Variants in EPHA6 observed in about 807,000 individuals in gnomAD.
The protein encoded by EPHA6 is ephrin type-A receptor 6.
EPHA6 carries 50 observed loss-of-function variants against 112.0 expected under a neutral mutation model. That is an observed-to-expected ratio of 0.45 (90% confidence interval 0.36 to 0.56). The LOEUF (loss-of-function observed/expected upper bound fraction) is 0.56, where lower values mean the gene tolerates loss of function less well. Ranked by LOEUF, EPHA6 falls within the 20% of genes least tolerant of loss-of-function variation. The probability of loss-of-function intolerance (pLI) is 0.00; values close to 1 mark genes in which losing one functional copy is unlikely to be tolerated. For synonymous variants in EPHA6, 529 were observed against 490.7 expected (o/e 1.08, Z -1.03); for missense variants, 1,280 against 1,417.4 (o/e 0.90, Z 1.56).
chr3:97,013,907 C>G (rs1489368426), intron 3 of EPHA6, among the ~76,000 whole-genome samples: 1 of 152,072 alleles, frequency 6.6e-6, no homozygotes. Flanking sequence ...ATGCCTCCTG[C>G]AAACTTATCA....
chr3:97,524,042 A>C (rs2092583643), intron 10 of EPHA6, among the ~76,000 whole-genome samples: 1 of 152,012 alleles, frequency 6.6e-6, no homozygotes, highest in Admixed American at 6.6e-5. Flanking sequence ...TTTTTAATCT[A>C]TTTAGACATT....
intron 3 of EPHA6, among the ~76,000 whole-genome samples, chr3:96,994,866 C>CTA (rs147597524): frequency 0.023 from 3,448 of 146,890 alleles, 83 homozygotes; most frequent in African/African-American, 0.059. Flanking sequence ...GGTATTATTG[C>CTA]TATATATATA....
intron 14 of EPHA6, among the ~76,000 whole-genome samples, chr3:97,647,738 C>A (rs1447734000): frequency 6.6e-6 from 1 of 152,144 alleles, no homozygotes; most frequent in Non-Finnish European, 1.5e-5. Context: ...TAAGAAATCA[C>A]TGCCTTTTCT....
At chr3:96,924,037 G>T in intron 2 of EPHA6, among the ~76,000 whole-genome samples, 1 of 152,062 alleles carries the variant, frequency 6.6e-6, no homozygotes, top group East Asian at 1.9e-4. Flanking sequence ...TGCTGTTTTT[G>T]TTACTCTAGC....
At chr3:97,145,595 ACTT>A (rs1018668888) in intron 3 of EPHA6, among the ~76,000 whole-genome samples, 3 of 151,312 alleles carry the variant, frequency 2.0e-5, no homozygotes, top group African/African-American at 4.8e-5. Context: ...TTATTTTACT[ACTT>A]CTTATTTTTA....
At position 97,425,187 on chromosome 3, in the gene EPHA6, C is replaced by A. The variant is rs187698478; in HGVS notation, c.1731+19913C>A. 1.1e-3 allele frequency among the ~76,000 whole-genome samples: 159 copies of A among 150,812 alleles called. 1 individual carries two copies. The highest frequency in any genetic ancestry group is 9.8e-3 in the South Asian group (47 of 4,820). On this transcript the variant is annotated intron_variant, in intron 6 of 17. Transcript: ENST00000389672. The stretch of plus-strand genomic sequence containing the variant: ...GCCGTTCGGGTCTGGAGGACAGCGG[C>A]CCTCTTCTCACAGCTCCACTAGGCA...
intron 3 of EPHA6, among the ~76,000 whole-genome samples, chr3:97,005,813 G>T (rs1264653380): frequency 6.6e-6 from 1 of 152,156 alleles, no homozygotes; most frequent in East Asian, 1.9e-4. Flanking sequence ...TTTATTAAGA[G>T]TTTTTAACAT....
At chr3:97,674,879 C>G (rs182875767) in intron 14 of EPHA6, among the ~76,000 whole-genome samples, 1 of 152,080 alleles carries the variant, frequency 6.6e-6, no homozygotes, top group African/African-American at 2.4e-5. Flanking sequence ...CTTACTTCAT[C>G]GGGAATTCTC....
intron 11 of EPHA6, among the ~76,000 whole-genome samples, chr3:97,559,124 C>G (rs1157166633): frequency 6.6e-6 from 1 of 151,934 alleles, no homozygotes; most frequent in East Asian, 1.9e-4. Context: ...ATAATGATGA[C>G]AAAAGGAACT....
At chr3:96,839,379 T>A (rs2034602399) in intron 1 of EPHA6, among the ~76,000 whole-genome samples, 1 of 152,032 alleles carries the variant, frequency 6.6e-6, no homozygotes. Flanking sequence ...AACTAATGCC[T>A]GATGATCTGA....
In EPHA6 at chr3:97,324,473, T is replaced by TTTCTTTCTTTC. The variant is rs1559884080; in HGVS notation, c.1606+80187_1606+80188insTCTTTCTTTCT. Reference sequence around the variant, plus strand: ...TCTTTCTTTCTTTCTTTCTTTCTTTTTCTTTCGTCTCTTTCTCTTTCTTTC... The same window carrying TTTCTTTCTTTC: ...TCTTTCTTTCTTTCTTTCTTTCTTTTTTCTTTCTTTCTCTTTCGTCTCTTTCTCTTTCTTTC... On this transcript the variant is annotated intron_variant, in intron 5 of 17. Coordinates refer to ENST00000389672, the MANE Select transcript of EPHA6 (RefSeq NM_001080448.3). Among the ~76,000 whole-genome samples, 15 of 71,252 alleles carry TTTCTTTCTTTC rather than the reference T, an allele frequency of 2.1e-4. 1 individual carries two copies. The highest frequency in any genetic ancestry group is 6.5e-4 in the African/African-American group (14 of 21,662). The allele number at this position is 71,252 out of a possible 152,430, so 46.7% of individuals were successfully genotyped here.
intron 9 of EPHA6, among the ~76,000 whole-genome samples, chr3:97,480,772 G>A (rs1435497948): frequency 3.3e-5 from 5 of 152,246 alleles, no homozygotes; most frequent in Non-Finnish European, 7.4e-5. Context: ...GGTGGCGGCC[G>A]GGCAGAGGGG....
chr3:96,816,157 G>A (rs180889827), intron 1 of EPHA6, among the ~76,000 whole-genome samples: 149 of 152,102 alleles, frequency 9.8e-4, no homozygotes, highest in Middle Eastern at 6.8e-3. Context: ...AACATATATG[G>A]CCATTTTACT....
chr3:96,905,781 A>G (rs1213760176), intron 2 of EPHA6, among the ~76,000 whole-genome samples: 1 of 152,046 alleles, frequency 6.6e-6, no homozygotes, highest in Admixed American at 6.6e-5. Context: ...CGGTGTTAAT[A>G]TACCGTTTGT....
chr3:97,290,543 T>C (rs1051776342), intron 5 of EPHA6, among the ~76,000 whole-genome samples: 1 of 152,182 alleles, frequency 6.6e-6, no homozygotes, highest in African/African-American at 2.4e-5. Context: ...GAAACCCATG[T>C]GGGGAGACTT....
At chr3:97,324,417 C>CTTTCTT (rs1553746264) in intron 5 of EPHA6, among the ~76,000 whole-genome samples, 9 of 126,898 alleles carry the variant, frequency 7.1e-5, no homozygotes, top group African/African-American at 2.1e-4. Flanking sequence ...TTCTTTCTTT[C>CTTTCTT]TTTCTTTCTT....
At chr3:97,252,458 C>T (rs1176792293) in intron 5 of EPHA6, among the ~76,000 whole-genome samples, 3 of 152,114 alleles carry the variant, frequency 2.0e-5, no homozygotes, top group Non-Finnish European at 2.9e-5. Flanking sequence ...CACACCCACA[C>T]GATGCTCCAG....
intron 1 of EPHA6, among the ~76,000 whole-genome samples, chr3:96,856,982 C>G (rs1231987458): frequency 6.6e-6 from 1 of 152,076 alleles, no homozygotes; most frequent in Non-Finnish European, 1.5e-5. Context: ...GTCACAAAAG[C>G]TAAGGATTGA....
At chr3:97,516,601 G>T (rs966223078) in intron 10 of EPHA6, among the ~76,000 whole-genome samples, 2 of 152,150 alleles carry the variant, frequency 1.3e-5, no homozygotes, top group African/African-American at 2.4e-5. Flanking sequence ...TTTACTTTAA[G>T]ACTTCAAGAG....
Sources: gnomAD v4.1 joint callset for allele counts (sites outside exome capture counted in the v4.1 genomes callset) on GRCh38, gnomAD v4.1.1 for gene constraint, MANE v1.5 for transcripts, NCBI Gene and HGNC (gene_info 2026-07-23, HGNC 2026-07-21) for gene names.